The following SPECC1 variants were observed in gnomAD, a reference collection of about 807,000 sequenced individuals.
The protein encoded by SPECC1 is sperm antigen with calponin homology and coiled-coil domains 1.
SPECC1 carries 62 observed loss-of-function variants against 104.1 expected under a neutral mutation model. The ratio of observed to expected loss-of-function variants is 0.60; its 90% CI spans 0.49 to 0.74. SPECC1 has a LOEUF of 0.74. SPECC1 is among the 30% of genes least tolerant of loss of function. The probability of loss-of-function intolerance (pLI) is 0.00; values close to 1 mark genes in which losing one functional copy is unlikely to be tolerated. For synonymous variants in SPECC1, 513 were observed against 501.6 expected, an observed-to-expected ratio of 1.02 and a Z score of -0.30; for missense variants, 1,306 against 1,310.5, an observed-to-expected ratio of 1.00 and a Z score of 0.05.
intron 1 of SPECC1, chr17:20,010,114 C>G (rs1356614442): frequency 6.6e-6 from 1 of 151,698 alleles, no homozygotes; most frequent in Non-Finnish European, 1.5e-5. Flanking sequence ...TCCCCAGTGC[C>G]CATGCAAGGA....
intron 3 of SPECC1, among the ~76,000 whole-genome samples, chr17:20,121,658 C>T (rs1384608394): frequency 6.6e-6 from 1 of 152,184 alleles, no homozygotes; most frequent in Non-Finnish European, 1.5e-5. Flanking sequence ...TTCTTTTTCT[C>T]CCTGAGGTGT....
At chr17:20,227,672 T>C (rs552336806) in intron 5 of SPECC1, 52 bp downstream of exon 5, 162 of 1,553,462 alleles carry the variant, frequency 1.0e-4, no homozygotes, top group South Asian at 4.2e-4. Flanking sequence ...CCCAGCACTT[T>C]GGGAGGCTGA....
chr17:20,034,662 A>G (rs1262710230), intron 1 of SPECC1, among the ~76,000 whole-genome samples: 1 of 146,990 alleles, frequency 6.8e-6, no homozygotes, highest in East Asian at 2.0e-4. Flanking sequence ...CTGGAGTGCA[A>G]TGGTGTGATC....
intron 12 of SPECC1, among the ~76,000 whole-genome samples, chr17:20,281,243 G>A (rs2040760828): frequency 6.6e-6 from 1 of 152,158 alleles, no homozygotes; most frequent in Non-Finnish European, 1.5e-5. Flanking sequence ...TTCACTTAAT[G>A]TTACAGTGTC....
rs567108738 is a variant in SPECC1, at chr17:20,146,721, A to G, written c.283+36159A>G. 2.1e-4 allele frequency among the ~76,000 whole-genome samples: 32 copies of G among 152,228 alleles called. 1 individual carries two copies. The East Asian group carries it at 5.8e-3, about 28-fold the overall frequency. ...GGAGTTCAAGACCAGCCTGGCCAAC[A>G]TGGCAAAACCCTGTCTCTACTAAAA... On this transcript the variant is annotated intron_variant, in intron 3 of 14. Transcript: ENST00000395527.
chr17:20,118,868 A>G (rs1168255866), intron 3 of SPECC1, among the ~76,000 whole-genome samples: 1 of 152,062 alleles, frequency 6.6e-6, no homozygotes, highest in Non-Finnish European at 1.5e-5. Context: ...TGCCTTTTGT[A>G]GTGTTCTTTA....
At chr17:20,174,614 C>G (rs555665897) in intron 3 of SPECC1, among the ~76,000 whole-genome samples, 10 of 151,022 alleles carry the variant, frequency 6.6e-5, no homozygotes, top group African/African-American at 2.2e-4. Context: ...CTCTCCCCCC[C>G]ATCAGTCTTG....
At chr17:20,093,690 C>T (rs2047504452) in intron 1 of SPECC1, among the ~76,000 whole-genome samples, 2 of 151,360 alleles carry the variant, frequency 1.3e-5, no homozygotes, top group South Asian at 2.1e-4. Context: ...ACGGAGGGCA[C>T]CATATTGTGG....
intron 2 of SPECC1, among the ~76,000 whole-genome samples, chr17:20,101,246 C>T (rs1383430264): frequency 2.0e-5 from 3 of 152,342 alleles, no homozygotes; most frequent in African/African-American, 7.2e-5. Context: ...ACCACACTGT[C>T]TTCCACAATG....
chr17:20,272,085 A>C (rs141690480), intron 12 of SPECC1, among the ~76,000 whole-genome samples: 81 of 152,018 alleles, frequency 5.3e-4, no homozygotes, highest in Non-Finnish European at 9.7e-4. Context: ...TCTATAGCTT[A>C]AGTTTTGTGT....
At chr17:20,143,965 G>A (rs2031153510) in intron 3 of SPECC1, among the ~76,000 whole-genome samples, 1 of 152,072 alleles carries the variant, frequency 6.6e-6, no homozygotes, top group Non-Finnish European at 1.5e-5. Flanking sequence ...GTGGAGGGAG[G>A]GGCCTAGGCT....
intron 7 of SPECC1, chr17:20,237,252 T>C: frequency 8.2e-7 from 1 of 1,213,858 alleles, no homozygotes; most frequent in Non-Finnish European, 1.0e-6. Context: ...GATGCAGAGC[T>C]GGGTACAGCG....
At chr17:20,215,926 A>G (rs1344485352) in intron 4 of SPECC1, among the ~76,000 whole-genome samples, 3 of 152,242 alleles carry the variant, frequency 2.0e-5, no homozygotes, top group African/African-American at 7.2e-5. Flanking sequence ...AGAAAGCTAT[A>G]TAGATGCCCT....
chr17:20,194,170 G>GT (rs1158124743), intron 3 of SPECC1, among the ~76,000 whole-genome samples: 1 of 152,162 alleles, frequency 6.6e-6, no homozygotes, highest in Non-Finnish European at 1.5e-5. Flanking sequence ...ACTCTGTTTT[G>GT]TAAGGGATCT....
chr17:20,010,478 G>A (rs576334931), intron 1 of SPECC1, among the ~76,000 whole-genome samples: 3 of 152,166 alleles, frequency 2.0e-5, no homozygotes, highest in Non-Finnish European at 2.9e-5. Context: ...GGGGGAGGAG[G>A]GAGGAGCACA....
At position 20,232,304 on chromosome 17, in the gene SPECC1, G is replaced by A; in HGVS notation, c.2250G>A (p.Lys750=). 1 of 1,614,214 alleles carries A rather than the reference G, an allele frequency of 6.2e-7. No homozygotes were observed. The highest frequency in any genetic ancestry group is 1.7e-4 in the Middle Eastern group (1 of 6,056). The stretch of plus-strand genomic sequence containing the variant: ...CCCAGCAGGAGCTGCGCACCGTGAA[G>A]AGGAAACTGCTGGAGGAGGAGGAGA... ...CEAQQELRTV[K]RKLLEEEEKN... Residue 750 remains lysine (K), a synonymous_variant, in exon 7 of 15, where the codon AAG becomes AAA. Coordinates refer to ENST00000395527, the MANE Select transcript of SPECC1 (RefSeq NM_001243439.2).
rs748098341 is a variant in SPECC1, at chr17:20,205,428, A to G, written c.1379A>G (p.Glu460Gly). ...RVKNEEPTTQ[E>G]GKIIELEQKC... ...AAGAATGAAGAGCCCACCACTCAGG[A>G]AGGAAAAATTATTGAACTGGAGCAG... The change falls in exon 4 of 15, where the codon GAA (glutamate) becomes GGA (glycine). Residue 460 changes from glutamate to glycine, a missense_variant. Physicochemically the swap from Glu to Gly is moderately conservative, Grantham distance 98. This residue lies in a region of SPECC1 where 1,177 missense variants were observed against 1,139.9 expected (regional missense o/e 1.03). Transcript: ENST00000395527. 3 of 1,614,114 alleles carry G rather than the reference A, an allele frequency of 1.9e-6. No individual in the cohort carries two copies. The highest frequency in any genetic ancestry group is 8.5e-7 in the Non-Finnish European group (1 of 1,180,032).
rs1045105638 is a variant in SPECC1, at chr17:20,315,460, T to C, written c.*1395T>C. ...GGATCTGTGTGCACTACACAGCGAG[T>C]GAGGGCGTGGCTCACACAGTTGTTT... On this transcript the variant is annotated 3_prime_UTR_variant, in exon 15 of 15. Transcript: ENST00000395527. 1 of 232,656 alleles carries C rather than the reference T, an allele frequency of 4.3e-6. No individual in the cohort carries two copies. The highest frequency in any genetic ancestry group is 2.2e-5 in the African/African-American group (1 of 45,348). 14.4% of individuals were successfully genotyped at this position (232,656 alleles called of 1,614,324 possible).
intron 9 of SPECC1, among the ~76,000 whole-genome samples, chr17:20,250,068 T>C (rs1567983759): frequency 6.6e-6 from 1 of 152,110 alleles, no homozygotes; most frequent in African/African-American, 2.4e-5. Flanking sequence ...GATACCTCAA[T>C]GTCCAAGGAG....
Sources: gnomAD v4.1 joint callset for allele counts (sites outside exome capture counted in the v4.1 genomes callset) on GRCh38, gnomAD v4.1.1 for gene constraint, gnomAD v4.1.1 regional missense constraint, MANE v1.5 for transcripts, NCBI Gene and HGNC (gene_info 2026-07-23, HGNC 2026-07-21) for gene names.